The following VIPR2 variants were observed in gnomAD, a reference collection of about 807,000 sequenced individuals.
VIPR2 encodes vasoactive intestinal peptide receptor 2, also known as vasoactive intestinal polypeptide receptor 2.
Under a neutral mutation model 58.0 loss-of-function variants are expected in VIPR2, and 48 were observed. That is an observed-to-expected ratio of 0.83 (90% CI 0.66 to 1.05). The LOEUF is 1.05. Ranked by LOEUF, VIPR2 falls within the 50% of genes least tolerant of loss-of-function variation. The pLI, the probability that VIPR2 is intolerant of heterozygous loss-of-function variation, is 0.00. For synonymous variants in VIPR2, 243 were observed against 235.2 expected, an observed-to-expected ratio of 1.03 and a Z score of -0.30; for missense variants, 534 against 558.0, an observed-to-expected ratio of 0.96 and a Z score of 0.43.
At chr7:159,067,026 GTTAA>G (rs1166566563) in intron 4 of VIPR2, among the ~76,000 whole-genome samples, 1 of 152,204 alleles carries the variant, frequency 6.6e-6, no homozygotes, top group African/African-American at 2.4e-5. Context: ...TGAGATCGAA[GTTAA>G]TTAAACTTAC....
chr7:159,036,641 T>G (rs535544783), intron 7 of VIPR2, 111 bp downstream of exon 7: 1 of 1,343,438 alleles, frequency 7.4e-7, no homozygotes, highest in Non-Finnish European at 1.0e-6. Context: ...GATATGACCC[T>G]GACATGCATT....
chr7:159,043,400 T>C (rs1420407257), intron 5 of VIPR2, among the ~76,000 whole-genome samples: 1 of 152,158 alleles, frequency 6.6e-6, no homozygotes, highest in Non-Finnish European at 1.5e-5. Flanking sequence ...ATAAAGTAGA[T>C]GAGATGAAGA....
At chr7:159,124,184 C>A (rs1796575231) in intron 2 of VIPR2, among the ~76,000 whole-genome samples, 1 of 152,134 alleles carries the variant, frequency 6.6e-6, no homozygotes, top group South Asian at 2.1e-4. Flanking sequence ...GCTTTTGTTG[C>A]AATTGCTTTT....
rs1388638316 is a variant in VIPR2, at chr7:159,142,344, T to C, written c.151+102A>G. ...GAAGTGGCCTTTCTTTTTCTTTTTT[T>C]TTTTTTAAGATGCAGGTGGTGACCC... On this transcript the variant is annotated intron_variant, in intron 2 of 12. Transcript: ENST00000262178. The C allele has an allele frequency of 4.9e-6, 4 of 808,444 alleles. No homozygotes were observed. The Admixed American group carries it at 1.0e-4, about 20-fold the overall frequency. The allele number at this position is 808,444 out of a possible 1,614,324, so 50.1% of individuals were successfully genotyped here. A position where few individuals can be genotyped will look rare whatever the true frequency, so the allele number is the denominator to read the frequency against.
At chr7:159,076,300 T>C (rs935641380) in intron 4 of VIPR2, among the ~76,000 whole-genome samples, 17 of 152,208 alleles carry the variant, frequency 1.1e-4, no homozygotes, top group Admixed American at 3.9e-4. Context: ...ATAAGTAAGA[T>C]AGATCAGCTT....
At chr7:159,144,278 C>T (rs1350041644) in intron 1 of VIPR2, 3 of 1,355,630 alleles carry the variant, frequency 2.2e-6, no homozygotes, top group Middle Eastern at 1.9e-4. Context: ...ACGCCACGTC[C>T]CCCCGACACT....
chr7:159,051,216 CACA>C (rs1244556062), intron 5 of VIPR2, among the ~76,000 whole-genome samples: 1 of 152,162 alleles, frequency 6.6e-6, no homozygotes, highest in Non-Finnish European at 1.5e-5. Context: ...CGACCTTTAA[CACA>C]ACAACAATAG....
In VIPR2 at chr7:159,101,816, C is replaced by T. The variant is rs528603038; in HGVS notation, c.357+1941G>A. Among the ~76,000 whole-genome samples, 83 of 138,566 alleles carry T rather than the reference C, an allele frequency of 6.0e-4. 2 individuals are homozygous for T. The highest frequency in any genetic ancestry group is 2.2e-3 in the African/African-American group (78 of 34,972). 90.9% of individuals were successfully genotyped at this position (138,566 alleles called of 152,430 possible). On this transcript the variant is annotated intron_variant, in intron 4 of 12. Transcript: ENST00000262178. ...ACGAGATCCGACGAGGCCGTTCCCC[C>T]GACCGTTCCTGTGGTAGTGAACGGG... is the stretch of plus-strand genomic sequence containing the variant.
At chr7:159,136,216 C>T (rs1298987262) in intron 2 of VIPR2, among the ~76,000 whole-genome samples, 1 of 152,154 alleles carries the variant, frequency 6.6e-6, no homozygotes, top group Non-Finnish European at 1.5e-5. Context: ...TCCCAGGTGG[C>T]ACAGGCCATC....
rs1367523831 is a variant in VIPR2, at chr7:159,128,226, T to A, written c.151+14220A>T. On this transcript the variant is annotated intron_variant, in intron 2 of 12. Transcript: ENST00000262178. The surrounding 1 kb of genome is among the most constrained non-coding windows in gnomAD (Gnocchi z 4.1). ...GGGTCCACAGAACGGCCGGCCATGGTGTGGAACAGCTGCTGGGCCCTGGGA... is the reference window on the plus strand; with the variant it reads ...GGGTCCACAGAACGGCCGGCCATGGAGTGGAACAGCTGCTGGGCCCTGGGA... 6.6e-6 allele frequency among the ~76,000 whole-genome samples: 1 copy of A among 152,028 alleles called. No homozygotes were observed. Among genetic ancestry groups the A allele is most frequent in the Non-Finnish European group, 1.5e-5 (1 of 67,976 alleles).
intron 2 of VIPR2, among the ~76,000 whole-genome samples, chr7:159,125,085 G>A (rs545402330): frequency 2.0e-4 from 30 of 152,280 alleles, no homozygotes; most frequent in African/African-American, 7.2e-4. Context: ...CTGCAAAAGG[G>A]GTAAGTTGAC....
chr7:159,123,162 G>A (rs146310928), intron 2 of VIPR2, among the ~76,000 whole-genome samples: 1,670 of 151,828 alleles, frequency 0.011, 33 homozygotes, highest in African/African-American at 0.038. Context: ...GCGTGGTGGC[G>A]TGCACCTGTG....
chr7:159,091,456 A>G (rs1008098627), intron 4 of VIPR2, among the ~76,000 whole-genome samples: 2 of 152,164 alleles, frequency 1.3e-5, no homozygotes, highest in African/African-American at 2.4e-5. Context: ...AATTTATGCT[A>G]TTTGGTGTGA....
rs1408883355 is a variant in VIPR2 at position 159,029,977 on chromosome 7, G to A, written c.*639C>T. ...GACCTGGGAGGCCGCCCTGATGTGG[G>A]ACGGATGTCACCCGGTGGTCGCCCA... On this transcript the variant is annotated 3_prime_UTR_variant, in exon 13 of 13. Transcript: ENST00000262178. 2 of 152,278 alleles carry A rather than the reference G, an allele frequency of 1.3e-5. No homozygotes were observed. The highest frequency in any genetic ancestry group is 1.3e-4 in the Admixed American group (2 of 15,276). 9.4% of individuals were successfully genotyped at this position (152,278 alleles called of 1,614,324 possible).
At chr7:159,140,902 A>G (rs1797439291) in intron 2 of VIPR2, among the ~76,000 whole-genome samples, 1 of 151,964 alleles carries the variant, frequency 6.6e-6, no homozygotes. Context: ...TACCGTGCAG[A>G]GAGCCATCAG....
chr7:159,114,393 T>C (rs1258009148), intron 2 of VIPR2, among the ~76,000 whole-genome samples: 3 of 151,496 alleles, frequency 2.0e-5, no homozygotes, highest in Admixed American at 2.0e-4. Flanking sequence ...GATTTGCAGA[T>C]GGAGTGAGAA....
At chr7:159,141,323 C>T (rs1230238933) in intron 2 of VIPR2, among the ~76,000 whole-genome samples, 7 of 152,262 alleles carry the variant, frequency 4.6e-5, no homozygotes, top group Admixed American at 2.0e-4. Flanking sequence ...ACCGCGGAAT[C>T]GCAGATCTTT....
chr7:159,030,842 C>T, intron 12 of VIPR2, 53 bp from the exon 13 acceptor site: 7 of 1,453,064 alleles, frequency 4.8e-6, no homozygotes, highest in Non-Finnish European at 5.4e-6. Flanking sequence ...GTGCGGGCGG[C>T]TGCTATGGGA....
At chr7:159,126,755 G>C (rs1282636629) in intron 2 of VIPR2, among the ~76,000 whole-genome samples, 2 of 152,194 alleles carry the variant, frequency 1.3e-5, no homozygotes, top group African/African-American at 4.8e-5. Context: ...CAACCATCAG[G>C]CTGCTCTTGA....
Sources: gnomAD v4.1 joint callset for allele counts (sites outside exome capture counted in the v4.1 genomes callset) on GRCh38, gnomAD v4.1.1 for gene constraint, Gnocchi (gnomAD v3.1) non-coding constraint, MANE v1.5 for transcripts, NCBI Gene and HGNC (gene_info 2026-07-23, HGNC 2026-07-21) for gene names.